GON4L: variants seen among roughly 807,000 people sequenced by gnomAD.
The protein encoded by GON4L is GON-4-like protein.
A neutral mutation model predicts 211.8 loss-of-function variants in GON4L; 87 were observed. That is an observed-to-expected ratio of 0.41 (90% CI 0.35 to 0.49). The LOEUF is 0.49. Among genes scored for constraint, GON4L ranks in the 20% least tolerant of loss-of-function variants. The probability of loss-of-function intolerance (pLI) is 0.15; values close to 1 mark genes in which losing one functional copy is unlikely to be tolerated. For synonymous variants in GON4L, 875 were observed against 962.6 expected, an observed-to-expected ratio of 0.91 and a Z score of 1.68; for missense variants, 2,155 against 2,659.5, an observed-to-expected ratio of 0.81 and a Z score of 4.17.
chr1:155,815,425 TAAAGAAAAGC>T (rs909791819), intron 8 of GON4L, among the ~76,000 whole-genome samples: 5 of 151,926 alleles, frequency 3.3e-5, no homozygotes, highest in African/African-American at 1.2e-4. Context: ...GATACAACTA[TAAAGAAAAGC>T]AAAGAAATAA....
intron 11 of GON4L, among the ~76,000 whole-genome samples, chr1:155,802,987 A>C (rs529594379): frequency 7.0e-4 from 106 of 152,260 alleles, no homozygotes; most frequent in Non-Finnish European, 1.3e-3. Flanking sequence ...ATGTATTGTG[A>C]ACCTAACAAT....
At chr1:155,798,753 A>G (rs887340968) in intron 11 of GON4L, among the ~76,000 whole-genome samples, 11 of 151,920 alleles carry the variant, frequency 7.2e-5, no homozygotes, top group Admixed American at 6.6e-5. Context: ...CTGAATAACG[A>G]AAGTTCTGGA....
intron 2 of GON4L, among the ~76,000 whole-genome samples, chr1:155,830,662 C>A (rs1033267039): frequency 6.6e-6 from 1 of 152,144 alleles, no homozygotes; most frequent in African/African-American, 2.4e-5. Context: ...TCTCAGCTCA[C>A]TGCGGCCTCA....
intron 2 of GON4L, among the ~76,000 whole-genome samples, chr1:155,843,575 T>G (rs1452701031): frequency 6.6e-6 from 1 of 152,128 alleles, no homozygotes; most frequent in African/African-American, 2.4e-5. Context: ...GTTGTGACAA[T>G]GACACAGAGA....
At chr1:155,773,554 G>A (rs752577339) in intron 17 of GON4L, 1 of 246,882 alleles carries the variant, frequency 4.1e-6, no homozygotes. Context: ...AATACTTGAA[G>A]GATAAGAGAC....
At chr1:155,766,816 T>G in intron 20 of GON4L, 107 bp from the exon 21 acceptor site, 1 of 1,547,242 alleles carries the variant, frequency 6.5e-7, no homozygotes, top group Non-Finnish European at 8.8e-7. Context: ...GAGGCTGAAG[T>G]GGGCAGATCA....
chr1:155,838,893 T>C (rs1007724872), intron 2 of GON4L, among the ~76,000 whole-genome samples: 9 of 151,858 alleles, frequency 5.9e-5, no homozygotes. Flanking sequence ...GGATGCTTAT[T>C]GGATGCCTGG....
upstream of GON4L, among the ~76,000 whole-genome samples, chr1:155,858,284 C>T (rs1672432468): frequency 6.6e-6 from 1 of 152,132 alleles, no homozygotes; most frequent in African/African-American, 2.4e-5. Flanking sequence ...AACAGAATGT[C>T]AAAAGGTGGA....
downstream of GON4L, chr1:155,748,299 C>T: frequency 1.5e-6 from 2 of 1,317,462 alleles, no homozygotes; most frequent in Non-Finnish European, 2.1e-6. Context: ...GTCAAACATA[C>T]CCCTGATTCA....
intron 12 of GON4L, among the ~76,000 whole-genome samples, chr1:155,792,166 T>C (rs1228113929): frequency 6.6e-6 from 1 of 152,102 alleles, no homozygotes; most frequent in East Asian, 1.9e-4. Flanking sequence ...TCAGAGGAGG[T>C]GTAAACAAAT....
intron 2 of GON4L, among the ~76,000 whole-genome samples, chr1:155,830,402 C>G (rs1192749742): frequency 6.6e-6 from 1 of 151,592 alleles, no homozygotes; most frequent in Admixed American, 6.6e-5. Flanking sequence ...CTCAGCCTCC[C>G]GAGTGGCTGG....
At chr1:155,767,231 A>G in intron 20 of GON4L, 194 bp downstream of exon 20, 1 of 1,279,386 alleles carries the variant, frequency 7.8e-7, no homozygotes, top group South Asian at 1.5e-5. Context: ...TTATTATTTT[A>G]CCTATTATTT....
rs146523827 is a variant in GON4L at position 155,767,486 on chromosome 1, T to C, written c.2702A>G (p.Gln901Arg). The stretch of plus-strand genomic sequence containing the variant: ...TATAGGTGGCTTCCACTGATGTGGC[T>C]GGATCTCTTCACAGCATTTTCCTAG... Reference protein sequence around the residue: ...PVLGKCCEEIQPHQWKPPIER... With the variant: ...PVLGKCCEEIRPHQWKPPIER... The change falls in exon 20 of 32, where the codon CAG becomes CGG. Residue 901 changes from glutamine to arginine, a missense_variant. By Grantham distance (43) the Gln-to-Arg change is conservative. Around this residue, in one of 6 missense-constraint regions of GON4L, gnomAD observed 551 missense variants for 854.0 expected, o/e 0.65. Coordinates refer to ENST00000368331, the MANE Select transcript of GON4L (RefSeq NM_001282860.2). The C allele has an allele frequency of 2.4e-3, 3,876 of 1,612,192 alleles. 12 individuals are homozygous for C. The highest frequency in any genetic ancestry group is 2.9e-3 in the South Asian group (267 of 91,062).
intron 19 of GON4L, among the ~76,000 whole-genome samples, chr1:155,770,280 T>C (rs1351408818): frequency 2.0e-5 from 3 of 151,840 alleles, no homozygotes; most frequent in Non-Finnish European, 4.4e-5. Flanking sequence ...ATCCCAACAC[T>C]TTGGGAGGCC....
chr1:155,783,948 T>G (rs1557858880), intron 14 of GON4L, 38 bp downstream of exon 14: 1 of 1,611,394 alleles, frequency 6.2e-7, no homozygotes, highest in Middle Eastern at 1.7e-4. Context: ...AATAAACTTT[T>G]CCTCTATTCC....
chr1:155,762,012 G>A (rs1361602597), intron 23 of GON4L, among the ~76,000 whole-genome samples, 178 bp downstream of exon 23: 1 of 152,222 alleles, frequency 6.6e-6, no homozygotes, highest in East Asian at 1.9e-4. Context: ...ACTTATGATT[G>A]AATTCTATGT....
chr1:155,841,034 T>C (rs1199499251), intron 2 of GON4L, among the ~76,000 whole-genome samples: 1 of 151,894 alleles, frequency 6.6e-6, no homozygotes, highest in Non-Finnish European at 1.5e-5. Flanking sequence ...AAACTCAGTC[T>C]CAAAAAAAAA....
chr1:155,754,273 T>G (rs766332228), intron 28 of GON4L, 102 bp downstream of exon 28: 1 of 786,782 alleles, frequency 1.3e-6, no homozygotes, highest in Non-Finnish European at 2.3e-6. Context: ...TGAATGTTAT[T>G]TATATATGTG....
chr1:155,826,618 A>G (rs1669241114), intron 3 of GON4L, among the ~76,000 whole-genome samples: 1 of 151,974 alleles, frequency 6.6e-6, no homozygotes, highest in South Asian at 2.1e-4. Context: ...ACATCAGGAT[A>G]GTGGTTAACC....
Sources: gnomAD v4.1 joint callset for allele counts (sites outside exome capture counted in the v4.1 genomes callset) on GRCh38, gnomAD v4.1.1 for gene constraint, gnomAD v4.1.1 regional missense constraint, MANE v1.5 for transcripts, NCBI Gene and HGNC (gene_info 2026-07-23, HGNC 2026-07-21) for gene names.